The following MYO16 variants were observed in gnomAD, a reference collection of about 807,000 sequenced individuals.
MYO16 encodes unconventional myosin-XVI.
A neutral mutation model predicts 205.3 loss-of-function variants in MYO16; 94 were observed. That is an observed-to-expected ratio of 0.46 (90% CI 0.39 to 0.54). The LOEUF is 0.54. Ranked by LOEUF, MYO16 falls within the 20% of genes least tolerant of loss-of-function variation. The pLI is 0.00. For synonymous variants in MYO16, 988 were observed against 954.0 expected (o/e 1.04, Z -0.66); for missense variants, 2,315 against 2,387.5 (o/e 0.97, Z 0.63).
chr13:108,971,335 T>C (rs1349512447), intron 20 of MYO16, among the ~76,000 whole-genome samples: 1 of 105,322 alleles, frequency 9.5e-6, no homozygotes, highest in Non-Finnish European at 1.9e-5. Flanking sequence ...AATAAAATGG[T>C]GTGTGTGTGT....
At chr13:108,607,357 C>T (rs940113494) in intron 1 of MYO16, among the ~76,000 whole-genome samples, 4 of 152,194 alleles carry the variant, frequency 2.6e-5, no homozygotes, top group Non-Finnish European at 4.4e-5. Flanking sequence ...GTAATCCCTA[C>T]GTGTTGGGGG....
intron 2 of MYO16, among the ~76,000 whole-genome samples, chr13:108,699,094 CTCTATA>C (rs1238913827): frequency 0.033 from 4,625 of 140,314 alleles, 109 homozygotes; most frequent in South Asian, 0.082. Flanking sequence ...CTCTCTCTCT[CTCTATA>C]TATATATATA....
chr13:108,734,508 G>C (rs1201891551), intron 4 of MYO16, among the ~76,000 whole-genome samples: 1 of 152,128 alleles, frequency 6.6e-6, no homozygotes, highest in African/African-American at 2.4e-5. Flanking sequence ...ACCTATGTTG[G>C]ACAGAGTTTT....
intron 4 of MYO16, among the ~76,000 whole-genome samples, chr13:108,730,900 C>G (rs991586018): frequency 6.6e-6 from 1 of 152,122 alleles, no homozygotes; most frequent in Non-Finnish European, 1.5e-5. Flanking sequence ...GATACATGCC[C>G]GCATTTACTA....
chr13:108,924,996 G>T (rs1245108126), intron 16 of MYO16, among the ~76,000 whole-genome samples: 1 of 152,094 alleles, frequency 6.6e-6, no homozygotes, highest in African/African-American at 2.4e-5. Flanking sequence ...GTCTTTCTGG[G>T]AATAGAAGGT....
At chr13:108,741,847 A>G (rs1884920172) in intron 4 of MYO16, among the ~76,000 whole-genome samples, 2 of 152,260 alleles carry the variant, frequency 1.3e-5, no homozygotes, top group Admixed American at 1.3e-4. Context: ...TCTGCAATAC[A>G]TTTTCACAAT....
At chr13:109,122,926 A>G (rs964294386) in intron 29 of MYO16, among the ~76,000 whole-genome samples, 2 of 152,202 alleles carry the variant, frequency 1.3e-5, no homozygotes, top group African/African-American at 4.8e-5. Context: ...TGTTTTAAGA[A>G]TTCTATATTT....
chr13:108,808,871 C>T (rs771895603), intron 7 of MYO16, among the ~76,000 whole-genome samples: 1 of 152,120 alleles, frequency 6.6e-6, no homozygotes, highest in Non-Finnish European at 1.5e-5. Flanking sequence ...AACATAAGCC[C>T]AATCTAATTG....
In MYO16 at chr13:109,089,927, C is replaced by A. The variant is rs573221355; in HGVS notation, c.3336-10858C>A. ...AGGGAAGTCCCTTACCATACCAGTG[C>A]CCCAGACTGCAAGAGAGACCTCCTG... On this transcript the variant is annotated intron_variant, in intron 27 of 34. Transcript: ENST00000457511. Among the ~76,000 whole-genome samples the A allele has an allele frequency of 6.8e-4, 104 of 152,326 alleles. 1 individual carries two copies. Among genetic ancestry groups the A allele is most frequent in the African/African-American group, 2.3e-3 (94 of 41,584 alleles).
intron 23 of MYO16, among the ~76,000 whole-genome samples, chr13:109,043,213 A>G (rs1025263587): frequency 7.2e-5 from 11 of 152,230 alleles, no homozygotes; most frequent in African/African-American, 2.7e-4. Context: ...TGCATCCAAT[A>G]GACAAGGCAT....
intron 10 of MYO16, among the ~76,000 whole-genome samples, chr13:108,853,957 T>TGG (rs1256032545): frequency 1.5e-4 from 17 of 109,742 alleles, no homozygotes; most frequent in African/African-American, 6.8e-4. Context: ...TCTATTATTG[T>TGG]GTGTGTGTGT....
At chr13:108,751,266 A>G (rs899805421) in intron 4 of MYO16, among the ~76,000 whole-genome samples, 4 of 152,166 alleles carry the variant, frequency 2.6e-5, no homozygotes, top group Non-Finnish European at 5.9e-5. Flanking sequence ...AATTTACAAG[A>G]AAAGCCTGCA....
chr13:108,496,216 G>A, the MYO16 span, among the ~76,000 whole-genome samples: 2 of 152,220 alleles, frequency 1.3e-5, no homozygotes, highest in East Asian at 3.9e-4. Flanking sequence ...GAGGCTGGGA[G>A]TAGAAGCCTT....
At chr13:108,727,638 A>C in intron 4 of MYO16, 55 bp downstream of exon 4, 1 of 1,554,050 alleles carries the variant, frequency 6.4e-7, no homozygotes, top group Middle Eastern at 1.7e-4. Flanking sequence ...GTAAAAGGCT[A>C]TATATTTAAC....
intron 4 of MYO16, among the ~76,000 whole-genome samples, chr13:108,751,100 C>T (rs964405998): frequency 9.3e-5 from 14 of 151,092 alleles, no homozygotes; most frequent in African/African-American, 2.2e-4. Flanking sequence ...CATTTCCCTC[C>T]CCTGTCAGTT....
rs934985114 is a variant in MYO16, at chr13:108,868,829, A to T, written c.1425+2587A>T. ...CAGCTACTTGGGAGGCTGAGGCAGG[A>T]GAATCGCTTGAACCCGGGTGGCAGA... On this transcript the variant is annotated intron_variant, in intron 12 of 34. Coordinates refer to ENST00000457511, the MANE Select transcript of MYO16 (RefSeq NM_001198950.3). Among the ~76,000 whole-genome samples the T allele has an allele frequency of 1.2e-4, 18 of 151,614 alleles. 1 individual carries two copies. The highest frequency in any genetic ancestry group is 1.6e-4 in the Non-Finnish European group (11 of 67,940).
intron 33 of MYO16, among the ~76,000 whole-genome samples, chr13:109,167,670 A>C (rs1878741167): frequency 6.7e-6 from 1 of 149,154 alleles, no homozygotes; most frequent in South Asian, 2.2e-4. Flanking sequence ...AGTAGGATAC[A>C]TAAAACTTTC....
At chr13:109,191,475 G>T (rs1488319666) in intron 34 of MYO16, among the ~76,000 whole-genome samples, 1 of 152,168 alleles carries the variant, frequency 6.6e-6, no homozygotes, top group Non-Finnish European at 1.5e-5. Flanking sequence ...GGGAGGGTCA[G>T]ACTGGAGAGT....
intron 1 of MYO16, among the ~76,000 whole-genome samples, chr13:108,611,881 A>G (rs1308390726): frequency 6.6e-6 from 1 of 152,100 alleles, no homozygotes; most frequent in Non-Finnish European, 1.5e-5. Flanking sequence ...AGCATGAAAC[A>G]GAAACAACTT....
Sources: allele counts gnomAD v4.1 joint callset (sites outside exome capture counted in the v4.1 genomes callset), GRCh38; gene constraint gnomAD v4.1.1; transcripts MANE v1.5; gene names NCBI Gene and HGNC (gene_info 2026-07-23, HGNC 2026-07-21).